PIN1: variants seen among roughly 807,000 people sequenced by gnomAD.
PIN1 encodes peptidylprolyl cis/trans isomerase, NIMA-interacting 1.
PIN1 carries 8 observed loss-of-function variants against 19.9 expected under a neutral mutation model. The observed-to-expected ratio is 0.40, with a 90% CI of 0.24 to 0.72. PIN1 has a LOEUF of 0.72. Ranked by LOEUF, PIN1 falls within the 30% of genes least tolerant of loss-of-function variation. PIN1 has a pLI of 0.37. For missense variants in PIN1, 185 were observed against 226.5 expected, an observed-to-expected ratio of 0.82 and a Z score of 1.18; for synonymous variants, 86 against 90.8, an observed-to-expected ratio of 0.95 and a Z score of 0.30.
chr19:9,837,430 A>G, intron 1 of PIN1: 1 of 155,066 alleles, frequency 6.4e-6, no homozygotes, highest in Non-Finnish European at 1.4e-5. Flanking sequence ...CTGGGATTAC[A>G]GGCCTGAGCC....
At position 9,838,709 on chromosome 19, in the gene PIN1, A is replaced by C; in HGVS notation, c.271+61A>C. On this transcript the variant is annotated intron_variant, in intron 2 of 3. Coordinates refer to ENST00000247970, the MANE Select transcript of PIN1 (RefSeq NM_006221.4). The surrounding 1 kb of genome is among the most constrained non-coding windows in gnomAD (Gnocchi z 5.8). The stretch of plus-strand genomic sequence containing the variant: ...CTTCTCCCAGGTGAGCCTTTGTAGA[A>C]GTCACATCAGACCCTTCACCCCAGC... 1 of 1,353,100 alleles carries C rather than the reference A, an allele frequency of 7.4e-7. No individual in the cohort carries two copies. Among genetic ancestry groups the C allele is most frequent in the African/African-American group, 1.4e-5 (1 of 69,512 alleles). 83.8% of individuals were successfully genotyped at this position (1,353,100 alleles called of 1,614,324 possible). A position where few individuals can be genotyped will look rare whatever the true frequency, so the allele number is the denominator to read the frequency against.
Position 9,849,615 on chromosome 19 carries a change from G to A in PIN1, c.*416G>A, listed in dbSNP as rs541335704. The A allele has an allele frequency of 2.4e-5, 13 of 530,984 alleles. No homozygotes were observed. Among genetic ancestry groups the A allele is most frequent in the African/African-American group, 9.5e-5 (5 of 52,646 alleles). The allele number at this position is 530,984 out of a possible 1,614,324, so 32.9% of individuals were successfully genotyped here. A position where few individuals can be genotyped will look rare whatever the true frequency, so the allele number is the denominator to read the frequency against. Reference sequence around the variant, plus strand: ...CAGTCGCAAAGGTGAACACTCATGCGGCCCAGCCATGGGCCCTCTGAGCAA... The same window carrying A: ...CAGTCGCAAAGGTGAACACTCATGCAGCCCAGCCATGGGCCCTCTGAGCAA... On this transcript the variant is annotated 3_prime_UTR_variant, in exon 4 of 4. Transcript: ENST00000247970.
At chr19:9,845,217 CAG>C in intron 2 of PIN1, among the ~76,000 whole-genome samples, 1 of 151,976 alleles carries the variant, frequency 6.6e-6, no homozygotes, top group East Asian at 1.9e-4. Flanking sequence ...GTCAGCCTCA[CAG>C]AGCAGGAACT....
chr19:9,849,579 G>T lies in PIN1; in HGVS notation c.*380G>T. On this transcript the variant is annotated 3_prime_UTR_variant, in exon 4 of 4. Coordinates refer to ENST00000247970, the MANE Select transcript of PIN1 (RefSeq NM_006221.4). ...GCCGAATTGTTTCTAGTTAGGCCAC[G>T]CTCCTCTGTTCAGTCGCAAAGGTGA... 3.6e-6 allele frequency: 2 copies of T among 558,094 alleles called. No individual in the cohort carries two copies. Among genetic ancestry groups the T allele is most frequent in the South Asian group, 2.8e-5 (2 of 71,902 alleles). The allele number at this position is 558,094 out of a possible 1,614,324, so 34.6% of individuals were successfully genotyped here.
At chr19:9,845,842 G>A (rs747058738) in intron 2 of PIN1, among the ~76,000 whole-genome samples, 2 of 152,202 alleles carry the variant, frequency 1.3e-5, no homozygotes, top group South Asian at 4.1e-4. Flanking sequence ...AGCCCTGGCC[G>A]CTGGGGGCTG....
chr19:9,841,495 G>T (rs1320874194), intron 2 of PIN1, among the ~76,000 whole-genome samples: 2 of 152,208 alleles, frequency 1.3e-5, no homozygotes, highest in Non-Finnish European at 2.9e-5. Flanking sequence ...GGAGCTAGGG[G>T]GTGATGAGAC....
intron 2 of PIN1, among the ~76,000 whole-genome samples, 174 bp from the exon 3 acceptor site, chr19:9,847,856 G>A (rs746818207): frequency 4.6e-5 from 7 of 152,136 alleles, no homozygotes; most frequent in South Asian, 2.1e-4. Context: ...GTGTGACTGC[G>A]CATGCAGGTA....
Position 9,849,121 on chromosome 19 carries a change from G to A in PIN1, c.414G>A (p.Ser138=), listed in dbSNP as rs763339769. 20 of 1,613,794 alleles carry A rather than the reference G, an allele frequency of 1.2e-5. No individual in the cohort carries two copies. Among genetic ancestry groups the A allele is most frequent in the East Asian group, 2.2e-5 (1 of 44,876 alleles). ...GQMQKPFEDA[S]FALRTGEMSG... is the part of the protein sequence containing the mutation. ...TGCAGAAGCCATTTGAAGACGCCTC[G>A]TTTGCGCTGCGGACGGGGGAGATGA... The change falls in exon 4 of 4, where the codon TCG becomes TCA. Residue 138 remains serine (S), a synonymous_variant. Coordinates refer to ENST00000247970, the MANE Select transcript of PIN1 (RefSeq NM_006221.4).
At chr19:9,842,467 C>T (rs35533933) in intron 2 of PIN1, among the ~76,000 whole-genome samples, 4,664 of 152,266 alleles carry the variant, frequency 0.031, 193 homozygotes, top group African/African-American at 0.095. Flanking sequence ...AGCCTCAGCC[C>T]CAGTCATTGG....
At position 9,838,975 on chromosome 19, in the gene PIN1, G is replaced by T. The variant is rs2046139392; in HGVS notation, c.271+327G>T. On this transcript the variant is annotated intron_variant, in intron 2 of 3. Coordinates refer to ENST00000247970, the MANE Select transcript of PIN1 (RefSeq NM_006221.4). This position sits in a 1 kb window ranked among gnomAD's most constrained non-coding sequence, Gnocchi z 5.8. ...ACCTCCCCTAGACTCAGCTTTCTCTGTAAAATGGGCATCCTCTAAGGACCA... is the reference window on the plus strand; with the variant it reads ...ACCTCCCCTAGACTCAGCTTTCTCTTTAAAATGGGCATCCTCTAAGGACCA... 6.6e-6 allele frequency among the ~76,000 whole-genome samples: 1 copy of T among 152,148 alleles called. No individual in the cohort carries two copies. The highest frequency in any genetic ancestry group is 2.1e-4 in the South Asian group (1 of 4,830).
intron 3 of PIN1, 81 bp from the exon 4 acceptor site, chr19:9,849,009 T>G (rs2046248089): frequency 1.2e-6 from 1 of 804,824 alleles, no homozygotes; most frequent in Non-Finnish European, 2.1e-6. Flanking sequence ...GCCCCATCTG[T>G]CGCGGCTGCC....
At chr19:9,842,193 G>C (rs2046174036) in intron 2 of PIN1, among the ~76,000 whole-genome samples, 1 of 152,186 alleles carries the variant, frequency 6.6e-6, no homozygotes, top group South Asian at 2.1e-4. Context: ...AAGAAGAAGT[G>C]AGAGGGAGCA....
At chr19:9,842,930 G>A (rs1157703382) in intron 2 of PIN1, among the ~76,000 whole-genome samples, 1 of 152,210 alleles carries the variant, frequency 6.6e-6, no homozygotes, top group Non-Finnish European at 1.5e-5. Context: ...CCCTTGCCCC[G>A]AAGGGACAGG....
chr19:9,847,266 C>T (rs994365382), intron 2 of PIN1, among the ~76,000 whole-genome samples: 2 of 152,192 alleles, frequency 1.3e-5, no homozygotes, highest in African/African-American at 4.8e-5. Flanking sequence ...CCTCTGCTGG[C>T]AGCCCTGTTC....
chr19:9,839,365 G>A lies in PIN1; in HGVS notation c.271+717G>A, dbSNP rs528362852. Among the ~76,000 whole-genome samples the A allele has an allele frequency of 9.0e-4, 134 of 149,492 alleles. 2 individuals are homozygous for A. Among genetic ancestry groups the A allele is most frequent in the South Asian group, 4.2e-3 (20 of 4,744 alleles). On this transcript the variant is annotated intron_variant, in intron 2 of 3. Transcript: ENST00000247970. ...AGGGAGGCAGAGGTTGCAGTGAGCC[G>A]AGATCGCACCACTCCACTCCAGCCT...
rs776129590 is a variant in PIN1, at chr19:9,849,417, T to C, written c.*218T>C. ...AGTTGGGGCTGCGACCGCCAGATTCTCCCTTAAGGAATTGACTTCAGCAGG... is the reference window on the plus strand; with the variant it reads ...AGTTGGGGCTGCGACCGCCAGATTCCCCCTTAAGGAATTGACTTCAGCAGG... On this transcript the variant is annotated 3_prime_UTR_variant, in exon 4 of 4. Coordinates refer to ENST00000247970, the MANE Select transcript of PIN1 (RefSeq NM_006221.4). The C allele has an allele frequency of 4.1e-6, 3 of 737,802 alleles. No homozygotes were observed. In the South Asian group the frequency reaches 4.1e-5, roughly 10 times the overall value. The allele number at this position is 737,802 out of a possible 1,614,324, so 45.7% of individuals were successfully genotyped here.
intron 2 of PIN1, among the ~76,000 whole-genome samples, chr19:9,843,647 C>T (rs1256867525): frequency 6.6e-6 from 1 of 152,218 alleles, no homozygotes; most frequent in Non-Finnish European, 1.5e-5. Flanking sequence ...CGAGAACCCA[C>T]TTCCTGGCTT....
At chr19:9,835,601 G>A (rs549476981) in intron 1 of PIN1, 199 bp downstream of exon 1, 1 of 514,376 alleles carries the variant, frequency 1.9e-6, no homozygotes, top group Non-Finnish European at 3.3e-6. Flanking sequence ...GCCTGAGGAA[G>A]CTGAGGCAGG....
At chr19:9,835,887 TG>T (rs1192815363) in intron 1 of PIN1, 1 of 159,280 alleles carries the variant, frequency 6.3e-6, no homozygotes, top group African/African-American at 2.4e-5. Flanking sequence ...TGCCAGACGA[TG>T]GCCCCTGTGC....
Sources: gnomAD v4.1 joint callset for allele counts (sites outside exome capture counted in the v4.1 genomes callset) on GRCh38, gnomAD v4.1.1 for gene constraint, Gnocchi (gnomAD v3.1) non-coding constraint, MANE v1.5 for transcripts, NCBI Gene and HGNC (gene_info 2026-07-23, HGNC 2026-07-21) for gene names.